Variants in RBFOX1 observed in about 807,000 individuals in gnomAD.
RBFOX1 encodes RNA binding protein fox-1 homolog 1.
RBFOX1 carries 8 observed loss-of-function variants against 57.7 expected under a neutral mutation model. The observed-to-expected ratio is 0.14, with a 90% CI of 0.08 to 0.25. The LOEUF is 0.25. Ranked by LOEUF, RBFOX1 falls within the 10% of genes least tolerant of loss-of-function variation. The pLI, the probability that RBFOX1 is intolerant of heterozygous loss-of-function variation, is 1.00. For synonymous variants in RBFOX1, 326 were observed against 222.4 expected (o/e 1.47, Z -4.15); for missense variants, 611 against 548.5 (o/e 1.11, Z -1.14).
At chr16:6,049,994 C>T (rs1051587197) in intron 1 of RBFOX1, among the ~76,000 whole-genome samples, 2 of 143,182 alleles carry the variant, frequency 1.4e-5, no homozygotes, top group Admixed American at 7.3e-5. Context: ...CTTGCTCTGT[C>T]GTTCAGGCTG....
Position 7,644,058 on chromosome 16 carries a change from G to C in RBFOX1, c.758-9757G>C, listed in dbSNP as rs538544843. Among the ~76,000 whole-genome samples, 6 of 152,288 alleles carry C rather than the reference G, an allele frequency of 3.9e-5. No individual in the cohort carries two copies. In the South Asian group the frequency reaches 6.2e-4, roughly 16 times the overall value. On this transcript the variant is annotated intron_variant, in intron 11 of 15. Coordinates refer to ENST00000550418, the MANE Select transcript of RBFOX1 (RefSeq NM_018723.4). ...CAGGCAATAGGAGGGAATCCAAACT[G>C]AGAGTCTCTAAGAAGCAGAGAGAGA... is the stretch of plus-strand genomic sequence containing the variant.
chr16:5,800,162 GA>G (rs1567557775), intron 3 of RBFOX1, among the ~76,000 whole-genome samples: 1 of 152,060 alleles, frequency 6.6e-6, no homozygotes, highest in Non-Finnish European at 1.5e-5. Flanking sequence ...GACTGTTCCA[GA>G]AAAAGTAGGA....
At chr16:7,046,179 T>C (rs1256366448) in intron 3 of RBFOX1, among the ~76,000 whole-genome samples, 2 of 152,156 alleles carry the variant, frequency 1.3e-5, no homozygotes, top group Admixed American at 6.6e-5. Flanking sequence ...ATTTTACATG[T>C]AGACAGGTGT....
intron 1 of RBFOX1, among the ~76,000 whole-genome samples, chr16:5,311,422 G>A (rs1368762365): frequency 6.6e-6 from 1 of 151,920 alleles, no homozygotes; most frequent in East Asian, 1.9e-4. Context: ...ACCCAGTAGT[G>A]GGATTGCTGA....
At chr16:6,574,959 A>C (rs1600313115) in intron 2 of RBFOX1, among the ~76,000 whole-genome samples, 1 of 151,050 alleles carries the variant, frequency 6.6e-6, no homozygotes, top group East Asian at 2.0e-4. Context: ...AATGGCGTGA[A>C]CCTGGGAGGC....
chr16:7,425,019 T>TA (rs1359975213), intron 4 of RBFOX1, among the ~76,000 whole-genome samples: 2 of 152,196 alleles, frequency 1.3e-5, no homozygotes, highest in Non-Finnish European at 2.9e-5. Context: ...TTATTATTAT[T>TA]TTGACATAAA....
At chr16:6,826,039 A>C (rs2092089710) in intron 3 of RBFOX1, among the ~76,000 whole-genome samples, 1 of 152,146 alleles carries the variant, frequency 6.6e-6, no homozygotes, top group African/African-American at 2.4e-5. Context: ...TGATGTGCAG[A>C]GGTGGTCCAC....
intron 4 of RBFOX1, among the ~76,000 whole-genome samples, chr16:7,401,228 C>G (rs544817575): frequency 3.5e-4 from 53 of 152,304 alleles, no homozygotes; most frequent in African/African-American, 1.3e-3. Context: ...AAACCATTCT[C>G]TCTGTGAAAG....
chr16:6,567,536 G>A (rs935233558), intron 2 of RBFOX1, among the ~76,000 whole-genome samples: 2 of 152,078 alleles, frequency 1.3e-5, no homozygotes, highest in African/African-American at 4.8e-5. Flanking sequence ...CACCTTCATA[G>A]CACTTATTAC....
chr16:7,287,262 A>C (rs528214958), intron 4 of RBFOX1, among the ~76,000 whole-genome samples: 22 of 152,318 alleles, frequency 1.4e-4, no homozygotes, highest in African/African-American at 5.3e-4. Context: ...ATAAAAATAG[A>C]AATGAGGTTT....
chr16:7,473,437 T>C (rs905561272), intron 4 of RBFOX1, among the ~76,000 whole-genome samples: 1 of 148,102 alleles, frequency 6.8e-6, no homozygotes, highest in African/African-American at 2.5e-5. Flanking sequence ...ATATAATATA[T>C]ATTTTATACA....
intron 1 of RBFOX1, among the ~76,000 whole-genome samples, chr16:5,406,662 A>G (rs556188471): frequency 2.6e-4 from 40 of 152,124 alleles, no homozygotes; most frequent in Non-Finnish European, 4.7e-4. Context: ...ATATGTATGT[A>G]TATGTGTGTG....
intron 3 of RBFOX1, among the ~76,000 whole-genome samples, chr16:6,899,508 A>G (rs12922759): frequency 0.79 from 120,495 of 152,142 alleles, 48,598 homozygotes; most frequent in African/African-American, 0.95. Context: ...TACCATCTTG[A>G]GTGGAAAGGA....
At chr16:7,689,362 A>G (rs2076834474) in intron 14 of RBFOX1, among the ~76,000 whole-genome samples, 1 of 152,146 alleles carries the variant, frequency 6.6e-6, no homozygotes, top group Admixed American at 6.6e-5. Context: ...AATGGGAATG[A>G]ACTTGCAGAT....
intron 14 of RBFOX1, among the ~76,000 whole-genome samples, chr16:7,707,335 C>A (rs964351087): frequency 6.6e-6 from 1 of 151,984 alleles, no homozygotes; most frequent in African/African-American, 2.4e-5. Context: ...GGTGGTCAAA[C>A]ATGTATTGGA....
At chr16:7,330,208 A>G (rs1416693804) in intron 4 of RBFOX1, among the ~76,000 whole-genome samples, 4 of 152,062 alleles carry the variant, frequency 2.6e-5, no homozygotes, top group Admixed American at 2.0e-4. Context: ...CCCTGATATA[A>G]AATGGCCTAG....
At chr16:5,719,133 G>A (rs1369561536) in intron 3 of RBFOX1, among the ~76,000 whole-genome samples, 1 of 151,576 alleles carries the variant, frequency 6.6e-6, no homozygotes, top group Non-Finnish European at 1.5e-5. Flanking sequence ...TCCATTAAAC[G>A]CATATAACCC....
At chr16:6,346,908 G>T (rs924490266) in intron 2 of RBFOX1, among the ~76,000 whole-genome samples, 8 of 152,058 alleles carry the variant, frequency 5.3e-5, no homozygotes, top group African/African-American at 1.9e-4. Context: ...ACAGAGTCTT[G>T]GTGGTGTTCC....
chr16:7,311,621 A>G (rs1390500577), intron 4 of RBFOX1, among the ~76,000 whole-genome samples: 1 of 151,948 alleles, frequency 6.6e-6, no homozygotes, highest in Admixed American at 6.6e-5. Flanking sequence ...GAAGCCAGGC[A>G]CGGGGCAAGC....
Sources: allele counts gnomAD v4.1 joint callset (sites outside exome capture counted in the v4.1 genomes callset), GRCh38; gene constraint gnomAD v4.1.1; transcripts MANE v1.5; gene names NCBI Gene and HGNC (gene_info 2026-07-23, HGNC 2026-07-21).